Variants in SEMA3A observed in about 807,000 individuals in gnomAD.
SEMA3A encodes semaphorin-3A.
In SEMA3A, 29 loss-of-function variants were observed where a neutral mutation model predicts 97.9. The ratio of observed to expected loss-of-function variants is 0.30; its 90% confidence interval spans 0.22 to 0.40. SEMA3A has a LOEUF of 0.40. Among genes scored for constraint, SEMA3A ranks in the 10% least tolerant of loss-of-function variants. The pLI, the probability that SEMA3A is intolerant of heterozygous loss-of-function variation, is 1.00. For synonymous variants in SEMA3A, 321 were observed against 323.7 expected, an observed-to-expected ratio of 0.99 and a Z score of 0.09; for missense variants, 763 against 951.3, an observed-to-expected ratio of 0.80 and a Z score of 2.60.
chr7:84,453,956 C>T (rs6961917), intron 1 of SEMA3A, among the ~76,000 whole-genome samples: 16,749 of 152,068 alleles, frequency 0.11, 1,151 homozygotes, highest in East Asian at 0.28. Context: ...AAGAAAACTA[C>T]TGCATCAAAA....
intron 3 of SEMA3A, among the ~76,000 whole-genome samples, chr7:84,215,162 C>T (rs1267780652): frequency 2.0e-5 from 3 of 151,662 alleles, no homozygotes; most frequent in East Asian, 3.9e-4. Flanking sequence ...TGAGCCACCG[C>T]GCCTGGCCCT....
intron 3 of SEMA3A, among the ~76,000 whole-genome samples, chr7:84,253,735 C>G (rs574787190): frequency 4.7e-4 from 72 of 152,104 alleles, no homozygotes; most frequent in African/African-American, 1.6e-3. Flanking sequence ...ATAAAGATAC[C>G]TGGAAATGAC....
At chr7:84,283,597 T>C (rs2115753493) in intron 3 of SEMA3A, among the ~76,000 whole-genome samples, 1 of 151,824 alleles carries the variant, frequency 6.6e-6, no homozygotes, top group Middle Eastern at 3.4e-3. Flanking sequence ...TTAACAAAAA[T>C]GGCATAATAG....
intron 4 of SEMA3A, among the ~76,000 whole-genome samples, chr7:84,061,157 G>A (rs1793201518): frequency 6.6e-6 from 1 of 152,130 alleles, no homozygotes; most frequent in Non-Finnish European, 1.5e-5. Context: ...TCTCTAAGAG[G>A]GAAATATCCC....
At chr7:84,095,516 A>C (rs1028233160) in intron 4 of SEMA3A, among the ~76,000 whole-genome samples, 1 of 150,740 alleles carries the variant, frequency 6.6e-6, no homozygotes, top group South Asian at 2.1e-4. Flanking sequence ...GTAAGGTCTG[A>C]GGCTATAAAT....
At chr7:84,044,836 T>C (rs1792285926) in intron 6 of SEMA3A, among the ~76,000 whole-genome samples, 1 of 151,790 alleles carries the variant, frequency 6.6e-6, no homozygotes, top group African/African-American at 2.4e-5. Context: ...GAAAAAGAGA[T>C]AAAGATAGCA....
chr7:84,201,984 T>C (rs1449208131), intron 3 of SEMA3A, among the ~76,000 whole-genome samples: 1 of 152,184 alleles, frequency 6.6e-6, no homozygotes, highest in Non-Finnish European at 1.5e-5. Flanking sequence ...TGCAATTGTG[T>C]TCTCACATAC....
intron 1 of SEMA3A, among the ~76,000 whole-genome samples, chr7:84,171,791 C>T (rs1391778332): frequency 1.3e-5 from 2 of 151,882 alleles, no homozygotes; most frequent in African/African-American, 2.4e-5. Flanking sequence ...TATTTTAATG[C>T]TAAATATTTT....
In SEMA3A at chr7:83,957,343, A is replaced by G. The variant is rs1457859224; in HGVS notation, c.*4028T>C. Reference sequence around the variant, plus strand: ...CACTTTAGTGTCCTCATCACCTAACATAATACCTAGCACATTGTAGATAGT... The same window carrying G: ...CACTTTAGTGTCCTCATCACCTAACGTAATACCTAGCACATTGTAGATAGT... On this transcript the variant is annotated 3_prime_UTR_variant, in exon 17 of 17. Coordinates refer to ENST00000265362, the MANE Select transcript of SEMA3A (RefSeq NM_006080.3). 1 of 152,168 alleles carries G rather than the reference A, an allele frequency of 6.6e-6. No individual in the cohort carries two copies. The highest frequency in any genetic ancestry group is 1.5e-5 in the Non-Finnish European group (1 of 68,010). 9.4% of individuals were successfully genotyped at this position (152,168 alleles called of 1,614,324 possible).
chr7:84,492,105 T>C (rs1029939077), intron 1 of SEMA3A, among the ~76,000 whole-genome samples: 5 of 152,136 alleles, frequency 3.3e-5, no homozygotes, highest in Non-Finnish European at 7.4e-5. Flanking sequence ...AAAGATTTTT[T>C]TGTGTGTGTT....
chr7:84,051,351 G>A (rs1199866494), intron 5 of SEMA3A, among the ~76,000 whole-genome samples: 3 of 152,246 alleles, frequency 2.0e-5, no homozygotes, highest in African/African-American at 7.2e-5. Context: ...AGCATGGAAT[G>A]TTCTTCCTTT....
In SEMA3A at chr7:84,426,372, T is replaced by C. The variant is rs1228892; in HGVS notation, c.-245-54472A>G. ...AATATATCTGTAATTCCTAGAAAAA[T>C]GTCAGGTTCTAAGTATTTGTTGACT... On this transcript the variant is annotated intron_variant, in intron 1 of 3. Transcript: ENST00000424555. Among the ~76,000 whole-genome samples, 220 of 151,946 alleles carry C rather than the reference T, an allele frequency of 1.4e-3. 1 individual carries two copies. The highest frequency in any genetic ancestry group is 2.7e-3 in the Non-Finnish European group (183 of 67,948).
intron 1 of SEMA3A, among the ~76,000 whole-genome samples, chr7:84,440,373 G>A (rs1389491740): frequency 1.3e-5 from 2 of 152,130 alleles, no homozygotes; most frequent in African/African-American, 4.8e-5. Context: ...AACACAGCTT[G>A]TGGAAGCCAG....
chr7:84,454,548 A>G (rs1805640860), intron 1 of SEMA3A, among the ~76,000 whole-genome samples: 1 of 152,166 alleles, frequency 6.6e-6, no homozygotes, highest in African/African-American at 2.4e-5. Flanking sequence ...AATTCATGAC[A>G]ACAATAGCAT....
chr7:84,221,659 A>G (rs1798885173), intron 3 of SEMA3A, among the ~76,000 whole-genome samples: 1 of 152,018 alleles, frequency 6.6e-6, no homozygotes, highest in African/African-American at 2.4e-5. Context: ...AGGGTGAGAG[A>G]TGAGGAAATG....
At chr7:84,402,313 G>C (rs1803926539) in intron 1 of SEMA3A, among the ~76,000 whole-genome samples, 1 of 152,130 alleles carries the variant, frequency 6.6e-6, no homozygotes, top group South Asian at 2.1e-4. Context: ...ATCCTAGTTA[G>C]AATGCTATTA....
In SEMA3A at chr7:84,055,694, C is replaced by T. The variant is rs539785858; in HGVS notation, c.547+4771G>A. On this transcript the variant is annotated intron_variant, in intron 5 of 16. Transcript: ENST00000265362. Reference sequence around the variant, plus strand: ...GTTGCTCACGCTCGGAGCTGTAGATCGGAGCTGTTCCTATTCAGCCATCTT... The same window carrying T: ...GTTGCTCACGCTCGGAGCTGTAGATTGGAGCTGTTCCTATTCAGCCATCTT... Among the ~76,000 whole-genome samples, 269 of 152,274 alleles carry T rather than the reference C, an allele frequency of 1.8e-3. 1 individual carries two copies. The highest frequency in any genetic ancestry group is 3.1e-3 in the Non-Finnish European group (214 of 68,010).
At chr7:84,406,435 A>G (rs1804090785) in intron 1 of SEMA3A, among the ~76,000 whole-genome samples, 1 of 152,202 alleles carries the variant, frequency 6.6e-6, no homozygotes, top group Admixed American at 6.5e-5. Context: ...AAAGTCCAGG[A>G]CAAGATGGAT....
chr7:84,467,534 A>C (rs1806034441), intron 1 of SEMA3A, among the ~76,000 whole-genome samples: 1 of 148,656 alleles, frequency 6.7e-6, no homozygotes, highest in African/African-American at 2.6e-5. Flanking sequence ...CTAAAAAAAA[A>C]AAAAAAAAAA....
Sources: gnomAD v4.1 joint callset for allele counts (sites outside exome capture counted in the v4.1 genomes callset) on GRCh38, gnomAD v4.1.1 for gene constraint, MANE v1.5 for transcripts, NCBI Gene and HGNC (gene_info 2026-07-23, HGNC 2026-07-21) for gene names.